DAG1: variants seen among roughly 807,000 people sequenced by gnomAD.
DAG1 encodes dystroglycan 1, also known as dystroglycan 1 (dystrophin-associated glycoprotein 1).
Under a neutral mutation model 46.1 loss-of-function variants are expected in DAG1, and 8 were observed. That is an observed-to-expected ratio of 0.17 (90% confidence interval 0.10 to 0.31). The LOEUF (loss-of-function observed/expected upper bound fraction) is 0.31, where lower values mean the gene tolerates loss of function less well. Ranked by LOEUF, DAG1 falls within the 10% of genes least tolerant of loss-of-function variation. The pLI is 1.00. For missense variants in DAG1, 1,003 were observed against 1,189.9 expected, an observed-to-expected ratio of 0.84 and a Z score of 2.31; for synonymous variants, 495 against 481.8, an observed-to-expected ratio of 1.03 and a Z score of -0.36.
upstream of DAG1, chr3:49,470,226 G>C (rs1381250430): frequency 6.6e-6 from 1 of 151,830 alleles, no homozygotes; most frequent in Non-Finnish European, 1.5e-5. Context: ...CGGTTGCTAG[G>C]CTCCGGCCGC....
At chr3:49,510,924 T>G in intron 2 of DAG1, 105 bp downstream of exon 2, 2 of 1,545,816 alleles carry the variant, frequency 1.3e-6, no homozygotes, top group Non-Finnish European at 1.7e-6. Flanking sequence ...CTGAGCTCAG[T>G]TCTTCCAGTA....
rs1409370556 is a variant in DAG1 at position 49,531,167 on chromosome 3, A to G, written c.656A>G (p.Glu219Gly). ...DLLHRMRSFS[E>G]VELHNMKLVP... ...CTGCACAGGATGCGGAGCTTCTCAG[A>G]AGTAGAGCTTCACAACATGAAATTA... Residue 219 changes from glutamate to glycine, a missense_variant, in exon 3 of 3, where the codon GAA becomes GGA. By Grantham distance (98) the Glu-to-Gly change is moderately conservative. Around this residue, in one of 3 missense-constraint regions of DAG1, gnomAD observed 52 missense variants for 96.7 expected, o/e 0.54. Coordinates refer to ENST00000308775, the MANE Select transcript of DAG1 (RefSeq NM_004393.6). This position sits in a 1 kb window ranked among gnomAD's most constrained non-coding sequence, Gnocchi z 7.0. 6.2e-7 allele frequency: 1 copy of G among 1,614,212 alleles called. No individual in the cohort carries two copies. The highest frequency in any genetic ancestry group is 1.3e-5 in the African/African-American group (1 of 75,054).
chr3:49,531,789 G>A lies in DAG1; in HGVS notation c.1278G>A (p.Lys426=), dbSNP rs766093420. 3.7e-6 allele frequency: 6 copies of A among 1,613,418 alleles called. No homozygotes were observed. The African/African-American group carries it at 6.7e-5, about 18-fold the overall frequency. ...CCCCTCCCACAACCACCACCAAGAAGCCACGAGTATCCACACCAAAACCAG... is the reference window on the plus strand; with the variant it reads ...CCCCTCCCACAACCACCACCAAGAAACCACGAGTATCCACACCAAAACCAG... ...VATPPTTTTK[K]PRVSTPKPAT... Residue 426 remains lysine, a synonymous_variant, in exon 3 of 3, where the codon AAG becomes AAA. Coordinates refer to ENST00000308775, the MANE Select transcript of DAG1 (RefSeq NM_004393.6). The surrounding 1 kb of genome is among the most constrained non-coding windows in gnomAD (Gnocchi z 7.0).
intron 1 of DAG1, among the ~76,000 whole-genome samples, chr3:49,502,799 T>C (rs62261202): frequency 1.3e-5 from 2 of 151,824 alleles, no homozygotes; most frequent in Non-Finnish European, 2.9e-5. Flanking sequence ...CCACCACACC[T>C]GGCTAATTTT....
Position 49,532,798 on chromosome 3 carries a change from A to G in DAG1, c.2287A>G (p.Ile763Val). ...TVIPAVVVAAILLIAGIIAMI... is the reference protein window; with the variant it reads ...TVIPAVVVAAVLLIAGIIAMI... ...CATTCCGGCCGTGGTGGTCGCAGCC[A>G]TCCTGCTCATTGCTGGCATCATTGC... Residue 763 changes from isoleucine to valine, a missense_variant, in exon 3 of 3, where the codon ATC becomes GTC. Ile to Val is a conservative substitution (Grantham distance 29). Transcript: ENST00000308775. This position sits in a 1 kb window ranked among gnomAD's most constrained non-coding sequence, Gnocchi z 5.4. The G allele has an allele frequency of 3.1e-6, 5 of 1,613,970 alleles. No individual in the cohort carries two copies. The highest frequency in any genetic ancestry group is 1.3e-5 in the African/African-American group (1 of 75,034).
At chr3:49,513,604 C>T (rs1309707071) in intron 2 of DAG1, among the ~76,000 whole-genome samples, 3 of 152,148 alleles carry the variant, frequency 2.0e-5, no homozygotes, top group African/African-American at 7.2e-5. Flanking sequence ...GTGTTCGCCT[C>T]CTTTTCCCTG....
At chr3:49,474,469 C>T (rs1377969474) in intron 1 of DAG1, among the ~76,000 whole-genome samples, 1 of 152,182 alleles carries the variant, frequency 6.6e-6, no homozygotes, top group Non-Finnish European at 1.5e-5. Context: ...CCTCAGCCTC[C>T]CAAGTGGCTG....
In DAG1 at chr3:49,480,862, C is replaced by T. The variant is rs1476102456; in HGVS notation, c.-117+10429C>T. 4.5e-5 allele frequency among the ~76,000 whole-genome samples: 6 copies of T among 134,078 alleles called. 1 individual carries two copies. The East Asian group carries it at 8.3e-4, about 19-fold the overall frequency. The allele number at this position is 134,078 out of a possible 152,430, so 88.0% of individuals were successfully genotyped here. ...CTGCAAGCTCCGCCTCCCGGGTTCA[C>T]GCCATTCTTCTGCCTCAGCCTCCCG... On this transcript the variant is annotated intron_variant, in intron 1 of 2. Coordinates refer to ENST00000308775, the MANE Select transcript of DAG1 (RefSeq NM_004393.6).
intron 1 of DAG1, among the ~76,000 whole-genome samples, chr3:49,477,943 C>T (rs949013854): frequency 2.0e-5 from 3 of 147,766 alleles, no homozygotes; most frequent in African/African-American, 7.5e-5. Context: ...GCCTGGGCAA[C>T]AAGAGTGAAA....
chr3:49,476,155 G>A (rs1341299531), intron 1 of DAG1, among the ~76,000 whole-genome samples: 8 of 152,154 alleles, frequency 5.3e-5, no homozygotes, highest in Admixed American at 5.2e-4. Flanking sequence ...AAATCTGAAC[G>A]AACTTTAGCA....
chr3:49,481,861 G>A (rs557744470), intron 1 of DAG1, among the ~76,000 whole-genome samples: 1 of 152,204 alleles, frequency 6.6e-6, no homozygotes, highest in African/African-American at 2.4e-5. Context: ...TCTCCTAATC[G>A]GTACACAGTT....
In DAG1 at chr3:49,533,182, C is replaced by T. The variant is rs1467729317; in HGVS notation, c.2671C>T (p.Pro891Ser). 1 of 1,613,330 alleles carries T rather than the reference C, an allele frequency of 6.2e-7. No individual in the cohort carries two copies. Among genetic ancestry groups the T allele is most frequent in the Non-Finnish European group, 8.5e-7 (1 of 1,180,010 alleles). Residue 891 changes from proline (P) to serine (S), a missense_variant, in exon 3 of 3, where the codon CCC becomes TCC. By Grantham distance (74) the Pro-to-Ser change is moderately conservative (BLOSUM62 -1). Transcript: ENST00000308775. ...CATGACCCCATACCGGTCACCTCCT[C>T]CCTATGTCCCACCTTAACCCGCAAG... is the stretch of plus-strand genomic sequence containing the variant. ...KNMTPYRSPP[P>S]YVPP
At chr3:49,513,481 G>T (rs12489092) in intron 2 of DAG1, among the ~76,000 whole-genome samples, 7 of 151,756 alleles carry the variant, frequency 4.6e-5, no homozygotes, top group African/African-American at 1.7e-4. Flanking sequence ...TAAGCCCCAG[G>T]CTTCTAGATT....
At chr3:49,527,203 AAC>A (rs1392764031) in intron 2 of DAG1, among the ~76,000 whole-genome samples, 1 of 150,718 alleles carries the variant, frequency 6.6e-6, no homozygotes, top group Non-Finnish European at 1.5e-5. Context: ...CATCCTGGCT[AAC>A]ACAGTGAAAC....
rs551347946 is a variant in DAG1 at position 49,498,449 on chromosome 3, C to G, written c.-116-11970C>G. 2.6e-5 allele frequency among the ~76,000 whole-genome samples: 4 copies of G among 152,152 alleles called. No individual in the cohort carries two copies. In the East Asian group the frequency reaches 7.7e-4, roughly 29 times the overall value. ...TCAAATAAACAATGACTTCACACCA[C>G]TGTTTTCCACTGTGTTGAGTACATC... On this transcript the variant is annotated intron_variant, in intron 1 of 2. Transcript: ENST00000308775.
intron 1 of DAG1, among the ~76,000 whole-genome samples, chr3:49,501,438 T>C (rs975675369): frequency 1.3e-5 from 2 of 152,200 alleles, no homozygotes; most frequent in Admixed American, 1.3e-4. Context: ...ATATTAGTGA[T>C]TGCAACAGAT....
rs150727558 is a variant in DAG1 at position 49,510,756 on chromosome 3, C to A, written c.222C>A (p.Val74=). Residue 74 remains valine, a synonymous_variant, in exon 2 of 3, where the codon GTC becomes GTA. Coordinates refer to ENST00000308775, the MANE Select transcript of DAG1 (RefSeq NM_004393.6). ...VVGIPDGTAV[V]GRSFRVTIPT... ...GCATTCCTGATGGCACGGCTGTCGT[C>A]GGGCGCTCATTTCGAGTGACCATTC... is the stretch of plus-strand genomic sequence containing the variant. 6.2e-7 allele frequency: 1 copy of A among 1,614,186 alleles called. No individual in the cohort carries two copies. Among genetic ancestry groups the A allele is most frequent in the Admixed American group, 1.7e-5 (1 of 60,020 alleles).
intron 2 of DAG1, among the ~76,000 whole-genome samples, chr3:49,522,103 C>T (rs2051044024): frequency 6.6e-6 from 1 of 151,480 alleles, no homozygotes; most frequent in Non-Finnish European, 1.5e-5. Flanking sequence ...GATCTCGGCT[C>T]ACTGCAACTT....
chr3:49,523,685 A>G (rs924791665), intron 2 of DAG1, among the ~76,000 whole-genome samples: 1 of 152,158 alleles, frequency 6.6e-6, no homozygotes, highest in Admixed American at 6.5e-5. Flanking sequence ...TAGGGAGAGG[A>G]GCCTGGACAT....
Sources: allele counts gnomAD v4.1 joint callset (sites outside exome capture counted in the v4.1 genomes callset), GRCh38; gene constraint gnomAD v4.1.1; regional missense constraint gnomAD v4.1.1; non-coding constraint Gnocchi (gnomAD v3.1); transcripts MANE v1.5; gene names NCBI Gene and HGNC (gene_info 2026-07-23, HGNC 2026-07-21).